SPOCK3: variants seen among roughly 807,000 people sequenced by gnomAD.
SPOCK3 encodes the protein testican-3.
In SPOCK3, 30 loss-of-function variants were observed where a neutral mutation model predicts 56.6. The observed-to-expected ratio is 0.53, with a 90% CI of 0.40 to 0.72. SPOCK3 has a LOEUF of 0.72. SPOCK3 is among the 30% of genes least tolerant of loss of function. SPOCK3 has a pLI of 0.00. For synonymous variants in SPOCK3, 196 were observed against 183.3 expected (o/e 1.07, Z -0.56); for missense variants, 527 against 530.0 (o/e 0.99, Z 0.06).
intron 2 of SPOCK3, among the ~76,000 whole-genome samples, chr4:167,106,950 A>G (rs1241738991): frequency 2.0e-5 from 3 of 151,904 alleles, no homozygotes; most frequent in East Asian, 1.9e-4. Context: ...CCAAGATTGA[A>G]CAAGGAAGAA....
At chr4:167,098,217 C>A (rs1259672072) in intron 2 of SPOCK3, among the ~76,000 whole-genome samples, 1 of 151,942 alleles carries the variant, frequency 6.6e-6, no homozygotes, top group East Asian at 1.9e-4. Flanking sequence ...TCCCCTCCAC[C>A]TGCTAGAACC....
At chr4:166,953,464 G>A (rs1171425495) in intron 4 of SPOCK3, among the ~76,000 whole-genome samples, 3 of 151,244 alleles carry the variant, frequency 2.0e-5, no homozygotes, top group African/African-American at 4.9e-5. Flanking sequence ...TGGAGAAATA[G>A]GAACACTTTT....
chr4:167,148,542 G>T (rs1764164864), intron 2 of SPOCK3, among the ~76,000 whole-genome samples: 1 of 151,930 alleles, frequency 6.6e-6, no homozygotes, highest in South Asian at 2.1e-4. Flanking sequence ...ATTAAAAGGA[G>T]GGCAATATAA....
intron 2 of SPOCK3, among the ~76,000 whole-genome samples, chr4:167,116,679 A>T: frequency 1.1e-5 from 1 of 92,436 alleles, no homozygotes. Context: ...GTATATATGT[A>T]TATATACACA....
intron 2 of SPOCK3, among the ~76,000 whole-genome samples, chr4:167,077,395 A>T (rs943649547): frequency 6.6e-6 from 1 of 151,882 alleles, no homozygotes; most frequent in Admixed American, 6.6e-5. Context: ...AAAGTGTAGA[A>T]ATGAAACTCA....
intron 4 of SPOCK3, among the ~76,000 whole-genome samples, chr4:166,990,336 C>T (rs950282564): frequency 6.6e-6 from 1 of 151,808 alleles, no homozygotes; most frequent in Non-Finnish European, 1.5e-5. Flanking sequence ...TACATGTATA[C>T]ATATGTAACT....
chr4:166,881,912 A>G (rs1018875808), intron 6 of SPOCK3, among the ~76,000 whole-genome samples: 2 of 152,218 alleles, frequency 1.3e-5, no homozygotes, highest in Non-Finnish European at 2.9e-5. Context: ...GAAGTGGAAT[A>G]GCAAACATCT....
At chr4:166,938,866 A>C (rs1740747441) in intron 4 of SPOCK3, among the ~76,000 whole-genome samples, 1 of 152,088 alleles carries the variant, frequency 6.6e-6, no homozygotes, top group Non-Finnish European at 1.5e-5. Flanking sequence ...GCAAAGACAA[A>C]TATATCAGTG....
intron 2 of SPOCK3, among the ~76,000 whole-genome samples, chr4:167,105,255 G>A (rs1238814206): frequency 6.6e-6 from 1 of 151,706 alleles, no homozygotes; most frequent in African/African-American, 2.4e-5. Context: ...GACAGAGAAG[G>A]TACAATAAGA....
intron 3 of SPOCK3, among the ~76,000 whole-genome samples, chr4:167,021,206 C>T (rs1454722406): frequency 2.0e-5 from 3 of 151,954 alleles, no homozygotes; most frequent in African/African-American, 7.2e-5. Context: ...TTACTATTTA[C>T]TATAGCAAAA....
Position 167,193,125 on chromosome 4 carries a change from G to A in SPOCK3, c.189+40860C>T, listed in dbSNP as rs1274104140. Among the ~76,000 whole-genome samples the A allele has an allele frequency of 1.4e-5, 2 of 145,912 alleles. 1 individual carries two copies. ...TTGGGTCCATTCATTTACATTTAAA[G>A]TTATTACTAATTTGCAAGGACTTAC... On this transcript the variant is annotated intron_variant, in intron 2 of 10. Transcript: ENST00000357545.
At chr4:166,975,102 T>C (rs1417419080) in intron 4 of SPOCK3, among the ~76,000 whole-genome samples, 1 of 152,110 alleles carries the variant, frequency 6.6e-6, no homozygotes, top group African/African-American at 2.4e-5. Flanking sequence ...CATGTTAGGG[T>C]ACAGCATGAG....
chr4:167,142,472 A>C (rs914960235), intron 2 of SPOCK3, among the ~76,000 whole-genome samples: 2 of 152,044 alleles, frequency 1.3e-5, no homozygotes, highest in African/African-American at 4.8e-5. Context: ...AATATAAATA[A>C]GCAAATGAAA....
chr4:167,234,619 T>C (rs1297141360), upstream of SPOCK3: 8 of 194,404 alleles, frequency 4.1e-5, no homozygotes, highest in East Asian at 1.3e-4. Flanking sequence ...CGCGCGGATC[T>C]CCAGCTTACT....
intron 4 of SPOCK3, among the ~76,000 whole-genome samples, chr4:166,973,390 T>C (rs1035335058): frequency 2.6e-5 from 4 of 152,128 alleles, no homozygotes; most frequent in Non-Finnish European, 4.4e-5. Context: ...CATGATGCAA[T>C]ATCCATATTA....
At chr4:166,766,749 T>C (rs958993459) in intron 7 of SPOCK3, among the ~76,000 whole-genome samples, 44 of 152,280 alleles carry the variant, frequency 2.9e-4, no homozygotes, top group African/African-American at 1.1e-3. Context: ...ATTGGAATAG[T>C]TTCAGAAGGA....
Position 166,838,690 on chromosome 4 carries a change from C to T in SPOCK3, c.590-46401G>A, listed in dbSNP as rs534513978. Among the ~76,000 whole-genome samples the T allele has an allele frequency of 4.1e-4, 59 of 144,394 alleles. No individual in the cohort carries two copies. In the East Asian group the frequency reaches 8.3e-3, roughly 20 times the overall value. The allele number at this position is 144,394 out of a possible 152,430, so 94.7% of individuals were successfully genotyped here. On this transcript the variant is annotated intron_variant, in intron 6 of 10. Coordinates refer to ENST00000357545, the MANE Select transcript of SPOCK3 (RefSeq NM_001040159.2). ...GTCATAGACCGGGTGTGGTGGCTCACGCCTATAACCCCAGAACTTTTGGGA... is the reference window on the plus strand; with the variant it reads ...GTCATAGACCGGGTGTGGTGGCTCATGCCTATAACCCCAGAACTTTTGGGA...
At chr4:167,081,455 T>TACTC (rs763876470) in intron 2 of SPOCK3, among the ~76,000 whole-genome samples, 14 of 152,150 alleles carry the variant, frequency 9.2e-5, no homozygotes, top group Non-Finnish European at 1.9e-4. Flanking sequence ...TCCATTCATA[T>TACTC]ACTCACTCAC....
chr4:166,751,256 C>T (rs1736342862), intron 8 of SPOCK3, among the ~76,000 whole-genome samples: 1 of 151,984 alleles, frequency 6.6e-6, no homozygotes, highest in Non-Finnish European at 1.5e-5. Flanking sequence ...AATTAATCCC[C>T]CATGCACTAC....
Sources: allele counts gnomAD v4.1 joint callset (sites outside exome capture counted in the v4.1 genomes callset), GRCh38; gene constraint gnomAD v4.1.1; transcripts MANE v1.5; gene names NCBI Gene and HGNC (gene_info 2026-07-23, HGNC 2026-07-21).